Variants in MYO1B observed in about 807,000 individuals in gnomAD.
MYO1B encodes myosin IB, also known as unconventional myosin-Ib.
In MYO1B, 72 loss-of-function variants were observed where a neutral mutation model predicts 159.7. That is an observed-to-expected ratio of 0.45 (90% CI 0.37 to 0.55). The LOEUF is 0.55. MYO1B is among the 20% of genes least tolerant of loss of function. The pLI, the probability that MYO1B is intolerant of heterozygous loss-of-function variation, is 0.00. For missense variants in MYO1B, 1,062 were observed against 1,364.8 expected, an observed-to-expected ratio of 0.78 and a Z score of 3.50; for synonymous variants, 468 against 473.8, an observed-to-expected ratio of 0.99 and a Z score of 0.16.
chr2:191,330,820 A>T (rs1439555037), intron 4 of MYO1B, among the ~76,000 whole-genome samples: 2 of 152,192 alleles, frequency 1.3e-5, no homozygotes, highest in Non-Finnish European at 2.9e-5. Flanking sequence ...ATAGATAAGA[A>T]TATGATAATT....
chr2:191,248,220 A>G (rs889982373), intron 1 of MYO1B, among the ~76,000 whole-genome samples: 7 of 152,188 alleles, frequency 4.6e-5, no homozygotes, highest in Admixed American at 6.5e-5. Flanking sequence ...ATACATTACT[A>G]TATTCATCAT....
chr2:191,273,718 C>A (rs548332091), intron 1 of MYO1B, among the ~76,000 whole-genome samples: 62 of 152,296 alleles, frequency 4.1e-4, no homozygotes, highest in Non-Finnish European at 7.1e-4. Flanking sequence ...CTTGTGAGGG[C>A]TCTTGGAAGG....
At chr2:191,276,863 G>C in intron 1 of MYO1B, 24 bp from the exon 2 acceptor site, 1 of 1,576,974 alleles carries the variant, frequency 6.3e-7, no homozygotes, top group Non-Finnish European at 8.6e-7. Flanking sequence ...CGTTTAAATT[G>C]ACCCCTTTCC....
At chr2:191,318,291 T>C (rs143509607) in intron 3 of MYO1B, among the ~76,000 whole-genome samples, 100 of 152,330 alleles carry the variant, frequency 6.6e-4, no homozygotes, top group African/African-American at 2.2e-3. Context: ...GCTTGCTTTG[T>C]AATCTGTAGC....
intron 3 of MYO1B, among the ~76,000 whole-genome samples, chr2:191,306,451 A>T (rs55685315): frequency 0.38 from 57,443 of 151,846 alleles, 11,034 homozygotes; most frequent in Middle Eastern, 0.52. Context: ...GTCACAAAGA[A>T]CTTTTGTGCT....
rs1269247863 is a variant in MYO1B at position 191,369,615 on chromosome 2, A to G, written c.1106A>G (p.Asn369Ser). The change falls in exon 12 of 31, where the codon AAT (asparagine) becomes AGT (serine). Residue 369 changes from asparagine (N) to serine (S), a missense_variant. Around this residue, in one of 5 missense-constraint regions of MYO1B, gnomAD observed 415 missense variants for 544.0 expected, o/e 0.76. Transcript: ENST00000392318. Reference protein sequence around the residue: ...RLFSWLVNRINESIKAQTKVR... With the variant: ...RLFSWLVNRISESIKAQTKVR... ...TTTTCATGGTTGGTAAATCGAATCA[A>G]TGAAAGCATTAAGGTACTGAATTTC... 3 of 1,613,356 alleles carry G rather than the reference A, an allele frequency of 1.9e-6. No individual in the cohort carries two copies. Among genetic ancestry groups the G allele is most frequent in the Admixed American group, 1.7e-5 (1 of 60,004 alleles).
At chr2:191,339,178 G>A (rs936272916) in intron 4 of MYO1B, among the ~76,000 whole-genome samples, 7 of 152,132 alleles carry the variant, frequency 4.6e-5, no homozygotes, top group African/African-American at 7.2e-5. Context: ...AGATAGCACC[G>A]GATGTTAGGA....
In MYO1B at chr2:191,355,797, A is replaced by G. The variant is rs190989152; in HGVS notation, c.563-4834A>G. Reference sequence around the variant, plus strand: ...AAGGGGCCAGCACGCTGGGGGAGTTACTCTAAGGAGATGCTTCCACATGGA... The same window carrying G: ...AAGGGGCCAGCACGCTGGGGGAGTTGCTCTAAGGAGATGCTTCCACATGGA... On this transcript the variant is annotated intron_variant, in intron 7 of 30. Coordinates refer to ENST00000392318, the MANE Select transcript of MYO1B (RefSeq NM_001130158.3). Among the ~76,000 whole-genome samples, 128 of 151,116 alleles carry G rather than the reference A, an allele frequency of 8.5e-4. 1 individual carries two copies. Among genetic ancestry groups the G allele is most frequent in the Non-Finnish European group, 1.5e-3 (100 of 68,000 alleles).
chr2:191,383,794 A>G (rs1246334865), intron 15 of MYO1B, among the ~76,000 whole-genome samples: 1 of 152,030 alleles, frequency 6.6e-6, no homozygotes, highest in Non-Finnish European at 1.5e-5. Flanking sequence ...TACTGATCAG[A>G]GTAGGCTCTG....
chr2:191,288,187 T>C, intron 2 of MYO1B, among the ~76,000 whole-genome samples: 1 of 151,972 alleles, frequency 6.6e-6, no homozygotes, highest in East Asian at 1.9e-4. Context: ...GATATCTGTT[T>C]GAGTCCCTGG....
chr2:191,280,190 A>G (rs1360612487), intron 2 of MYO1B, among the ~76,000 whole-genome samples: 2 of 152,228 alleles, frequency 1.3e-5, no homozygotes, highest in Non-Finnish European at 2.9e-5. Context: ...TGACGCTGGA[A>G]GCAGACTCCC....
At chr2:191,332,318 C>T (rs1169328435) in intron 4 of MYO1B, among the ~76,000 whole-genome samples, 1 of 151,984 alleles carries the variant, frequency 6.6e-6, no homozygotes, top group Non-Finnish European at 1.5e-5. Flanking sequence ...CATGTATTGA[C>T]TCATACTGGT....
At position 191,359,311 on chromosome 2, in the gene MYO1B, G is replaced by GT. The variant is rs1232947822; in HGVS notation, c.563-1320_563-1319insT. On this transcript the variant is annotated intron_variant, in intron 7 of 30. Transcript: ENST00000392318. ...CCCACTTGTACTTTTCAACCTTTGG[G>GT]GTTTTTTTTTTTTTTCATGTTTTCT... Among the ~76,000 whole-genome samples, 35 of 23,442 alleles carry GT rather than the reference G, an allele frequency of 1.5e-3. No individual in the cohort carries two copies. The East Asian group carries it at 0.029, about 19-fold the overall frequency. The allele number at this position is 23,442 out of a possible 152,430, so 15.4% of individuals were successfully genotyped here. A position where few individuals can be genotyped will look rare whatever the true frequency, so the allele number is the denominator to read the frequency against.
intron 24 of MYO1B, among the ~76,000 whole-genome samples, chr2:191,404,132 G>A (rs1005793936): frequency 6.6e-6 from 1 of 151,894 alleles, no homozygotes; most frequent in African/African-American, 2.4e-5. Flanking sequence ...TTTTCTAAAA[G>A]AGAATCATGT....
At chr2:191,295,962 G>A (rs747656089) in intron 2 of MYO1B, 149 bp from the exon 3 acceptor site, 1 of 367,986 alleles carries the variant, frequency 2.7e-6, no homozygotes, top group Non-Finnish European at 5.0e-6. Flanking sequence ...CTTCAGAGAT[G>A]CAAAGCATTC....
intron 3 of MYO1B, among the ~76,000 whole-genome samples, chr2:191,306,616 G>T (rs530958732): frequency 3.3e-5 from 5 of 152,212 alleles, no homozygotes; most frequent in African/African-American, 1.2e-4. Flanking sequence ...CTCATCTGAG[G>T]ATGGGAGGGA....
chr2:191,317,989 G>A (rs1218734838), intron 3 of MYO1B, among the ~76,000 whole-genome samples: 2 of 152,128 alleles, frequency 1.3e-5, no homozygotes, highest in Non-Finnish European at 2.9e-5. Flanking sequence ...GAGAAAAGGT[G>A]ATGTTAGGAT....
At position 191,424,039 on chromosome 2, in the gene MYO1B, G is replaced by A; in HGVS notation, c.*79G>A. 2.0e-6 allele frequency: 3 copies of A among 1,486,702 alleles called. No individual in the cohort carries two copies. The highest frequency in any genetic ancestry group is 2.1e-5 in the Admixed American group (1 of 47,600). The allele number at this position is 1,486,702 out of a possible 1,614,324, so 92.1% of individuals were successfully genotyped here. On this transcript the variant is annotated 3_prime_UTR_variant, in exon 31 of 31. Coordinates refer to ENST00000392318, the MANE Select transcript of MYO1B (RefSeq NM_001130158.3). ...GGTTTTGTTTTATTTGGGGTTCATT[G>A]TATGTTTGGGAATCACCAAAGGCTT...
intron 4 of MYO1B, 76 bp downstream of exon 4, chr2:191,330,105 C>A: frequency 7.8e-7 from 1 of 1,280,160 alleles, no homozygotes; most frequent in Non-Finnish European, 1.1e-6. Context: ...ACCAGTAGGG[C>A]CTCCTTAGCA....
Sources: allele counts gnomAD v4.1 joint callset (sites outside exome capture counted in the v4.1 genomes callset), GRCh38; gene constraint gnomAD v4.1.1; regional missense constraint gnomAD v4.1.1; transcripts MANE v1.5; gene names NCBI Gene and HGNC (gene_info 2026-07-23, HGNC 2026-07-21).